The following GLUL variants were observed in gnomAD, a reference collection of about 807,000 sequenced individuals.
The protein encoded by GLUL is glutamine synthetase.
In GLUL, 8 loss-of-function variants were observed where a neutral mutation model predicts 36.9. That is an observed-to-expected ratio of 0.22 (90% CI 0.13 to 0.39). The LOEUF (loss-of-function observed/expected upper bound fraction) is 0.39. GLUL is among the 10% of genes least tolerant of loss of function. The probability of loss-of-function intolerance (pLI) is 1.00; values close to 1 mark genes in which losing one functional copy is unlikely to be tolerated. For missense variants in GLUL, 315 were observed against 501.8 expected (o/e 0.63, Z 3.56); for synonymous variants, 182 against 172.8 (o/e 1.05, Z -0.42).
At position 182,383,721 on chromosome 1, in the gene GLUL, T is replaced by G. The variant is rs896495719; in HGVS notation, c.*684A>C. The G allele has an allele frequency of 2.0e-5, 3 of 149,874 alleles. No homozygotes were observed. The highest frequency in any genetic ancestry group is 4.4e-5 in the Non-Finnish European group (3 of 68,178). 9.3% of individuals were successfully genotyped at this position (149,874 alleles called of 1,614,324 possible). ...ATAATCCACAAAACCATACATATAG[T>G]TTTTTGTCTTTACATTTAAATATAA... On this transcript the variant is annotated 3_prime_UTR_variant, in exon 7 of 7. Transcript: ENST00000331872.
intron 6 of GLUL, chr1:182,385,062 GATAT>G (rs1650114506): frequency 8.3e-6 from 2 of 241,314 alleles, no homozygotes; most frequent in South Asian, 7.3e-5. Flanking sequence ...TATATATATC[GATAT>G]ATATTTATAT....
At chr1:182,388,946 T>C in intron 1 of GLUL, 196 bp from the exon 2 acceptor site, 1 of 577,312 alleles carries the variant, frequency 1.7e-6, no homozygotes, top group South Asian at 1.8e-5. Flanking sequence ...AAAAATCTCC[T>C]TTATAATAGG....
At position 182,378,721 on chromosome 1, in the gene GLUL, G is replaced by C. The variant is rs1224388182; in HGVS notation, c.*5684C>G. ...ATATATGCATATTCTCACAAATATG[G>C]TATACATTTATATTATGCATGTGTA... is the stretch of plus-strand genomic sequence containing the variant. On this transcript the variant is annotated 3_prime_UTR_variant, in exon 7 of 7. Transcript: ENST00000331872. Among the ~76,000 whole-genome samples the C allele has an allele frequency of 6.6e-6, 1 of 152,064 alleles. No individual in the cohort carries two copies. Among genetic ancestry groups the C allele is most frequent in the Non-Finnish European group, 1.5e-5 (1 of 68,018 alleles).
rs1168633053 is a variant in GLUL, at chr1:182,390,384, A to G, written c.-14+1295T>C. The G allele has an allele frequency of 1.3e-5, 5 of 397,884 alleles. No homozygotes were observed. The East Asian group carries it at 1.8e-4, about 14-fold the overall frequency. 24.6% of individuals were successfully genotyped at this position (397,884 alleles called of 1,614,324 possible). On this transcript the variant is annotated intron_variant, in intron 1 of 6. Coordinates refer to ENST00000331872, the MANE Select transcript of GLUL (RefSeq NM_001033044.4). ...GCCAGCAGCCTAGTGCCACTCTATCAACTGCTGCTGCTGCGGTGCCAAGTT... is the reference window on the plus strand; with the variant it reads ...GCCAGCAGCCTAGTGCCACTCTATCGACTGCTGCTGCTGCGGTGCCAAGTT...
rs888666479 is a variant in GLUL, at chr1:182,382,109, C to T, written c.*2296G>A. On this transcript the variant is annotated 3_prime_UTR_variant, in exon 7 of 7. Coordinates refer to ENST00000331872, the MANE Select transcript of GLUL (RefSeq NM_001033044.4). ...GCTACCTCGCACTGGTAAGAGTATA[C>T]TGCCTTTTAAAAACAATCACTATTG... 2.0e-5 allele frequency: 3 copies of T among 152,220 alleles called. No homozygotes were observed. The highest frequency in any genetic ancestry group is 7.2e-5 in the African/African-American group (3 of 41,446). 9.4% of individuals were successfully genotyped at this position (152,220 alleles called of 1,614,324 possible).
rs1650158866 is a variant in GLUL, at chr1:182,385,905, C to T, written c.476-18G>A. On this transcript the variant is annotated intron_variant, in intron 4 of 6. Transcript: ENST00000331872. ...ATATGGACCTACAGAAGCATCAGGACAAAACACTAAGAGTCAAGAAATCCA... is the reference window on the plus strand; with the variant it reads ...ATATGGACCTACAGAAGCATCAGGATAAAACACTAAGAGTCAAGAAATCCA... 6.2e-7 allele frequency: 1 copy of T among 1,612,944 alleles called. No homozygotes were observed. The highest frequency in any genetic ancestry group is 1.7e-4 in the Middle Eastern group (1 of 6,060).
At chr1:182,391,032 C>T (rs988984120) in intron 1 of GLUL, 8 of 397,252 alleles carry the variant, frequency 2.0e-5, no homozygotes, top group Non-Finnish European at 3.5e-5. Context: ...GGGCGCAGGC[C>T]GTAGGGACTG....
intron 5 of GLUL, 41 bp from the exon 6 acceptor site, chr1:182,385,597 C>T: frequency 1.3e-6 from 2 of 1,570,002 alleles, no homozygotes; most frequent in Admixed American, 3.3e-5. Flanking sequence ...AAGCTAACTG[C>T]TCACTCCAAC....
chr1:182,382,993 A>T lies in GLUL; in HGVS notation c.*1412T>A, dbSNP rs1571402127. ...TTTGAACATACTGTACATGGCAATT[A>T]GAAGTTGTCATGGCAAAAGAAAACC... is the stretch of plus-strand genomic sequence containing the variant. On this transcript the variant is annotated 3_prime_UTR_variant, in exon 7 of 7. Coordinates refer to ENST00000331872, the MANE Select transcript of GLUL (RefSeq NM_001033044.4). 1 of 152,364 alleles carries T rather than the reference A, an allele frequency of 6.6e-6. No homozygotes were observed. The highest frequency in any genetic ancestry group is 1.9e-4 in the East Asian group (1 of 5,184). The allele number at this position is 152,364 out of a possible 1,614,324, so 9.4% of individuals were successfully genotyped here. A position where few individuals can be genotyped will look rare whatever the true frequency, so the allele number is the denominator to read the frequency against.
At position 182,378,122 on chromosome 1, in the gene GLUL, G is replaced by A. The variant is rs540870477; in HGVS notation, c.*6283C>T. Among the ~76,000 whole-genome samples the A allele has an allele frequency of 4.9e-4, 74 of 152,278 alleles. 1 individual carries two copies. Among genetic ancestry groups the A allele is most frequent in the African/African-American group, 1.7e-3 (72 of 41,522 alleles). On this transcript the variant is annotated 3_prime_UTR_variant, in exon 7 of 7. Coordinates refer to ENST00000331872, the MANE Select transcript of GLUL (RefSeq NM_001033044.4). ...AGTTATTCTAAACCTTTATTGAAAG[G>A]CAAATGCAGAAAGCCTTCAACACAG... is the stretch of plus-strand genomic sequence containing the variant.
Position 182,384,281 on chromosome 1 carries a change from G to A in GLUL, c.*124C>T. ...AGAAAGCAAGATTAACTGGGCACAT[G>A]GAATGAAAAAAACGACCTTGATATT... is the stretch of plus-strand genomic sequence containing the variant. On this transcript the variant is annotated 3_prime_UTR_variant, in exon 7 of 7. Transcript: ENST00000331872. 1 of 742,806 alleles carries A rather than the reference G, an allele frequency of 1.3e-6. No homozygotes were observed. Among genetic ancestry groups the A allele is most frequent in the Admixed American group, 2.0e-5 (1 of 49,736 alleles). 46.0% of individuals were successfully genotyped at this position (742,806 alleles called of 1,614,324 possible). A position where few individuals can be genotyped will look rare whatever the true frequency, so the allele number is the denominator to read the frequency against.
In GLUL at chr1:182,383,346, C is replaced by T. The variant is rs1374563073; in HGVS notation, c.*1059G>A. 6.6e-6 allele frequency: 1 copy of T among 152,168 alleles called. No individual in the cohort carries two copies. Among genetic ancestry groups the T allele is most frequent in the Non-Finnish European group, 1.5e-5 (1 of 68,046 alleles). The allele number at this position is 152,168 out of a possible 1,614,324, so 9.4% of individuals were successfully genotyped here. A position where few individuals can be genotyped will look rare whatever the true frequency, so the allele number is the denominator to read the frequency against. ...AGGCCTGCTTTAGTGACATGCTATT[C>T]CTACCAGAAAATAACCCCAATACCC... On this transcript the variant is annotated 3_prime_UTR_variant, in exon 7 of 7. Transcript: ENST00000331872.
chr1:182,381,429 C>T lies in GLUL; in HGVS notation c.*2976G>A, dbSNP rs1649923315. ...TCCTTTTGTAAATACTGGCCTGACT[C>T]CTTAAGGTTGAAAGCTTGGTCATTA... On this transcript the variant is annotated 3_prime_UTR_variant, in exon 7 of 7. Coordinates refer to ENST00000331872, the MANE Select transcript of GLUL (RefSeq NM_001033044.4). Among the ~76,000 whole-genome samples, 1 of 152,132 alleles carries T rather than the reference C, an allele frequency of 6.6e-6. No homozygotes were observed. Among genetic ancestry groups the T allele is most frequent in the South Asian group, 2.1e-4 (1 of 4,830 alleles).
In GLUL at chr1:182,379,078, G is replaced by T. The variant is rs548591171; in HGVS notation, c.*5327C>A. 1.3e-5 allele frequency among the ~76,000 whole-genome samples: 2 copies of T among 150,854 alleles called. No individual in the cohort carries two copies. Among genetic ancestry groups the T allele is most frequent in the Non-Finnish European group, 3.0e-5 (2 of 67,624 alleles). ...ATTACAGGCTTGAGCCACCATGCCC[G>T]GCCTGAAGTAGAATTTTTTTAAATG... On this transcript the variant is annotated 3_prime_UTR_variant, in exon 7 of 7. Transcript: ENST00000331872.
intron 1 of GLUL, chr1:182,391,345 A>C: frequency 2.5e-6 from 1 of 398,144 alleles, no homozygotes; most frequent in Non-Finnish European, 4.4e-6. Context: ...AACCACTGCG[A>C]GCCCCAGGGC....
rs372138459 is a variant in GLUL at position 182,384,458 on chromosome 1, G to A, written c.1069C>T (p.Arg357Cys). The part of the protein sequence containing the change: ...DPFSVTEALI[R>C]TCLLNETGDE... ...CCGGTTTCATTGAGAAGACACGTGC[G>A]GATGAGGGCTTCTGTCACCGAAAAG... The change falls in exon 7 of 7, where the codon CGC becomes TGC. Residue 357 changes from arginine (R) to cysteine (C), a missense_variant. By Grantham distance (180) the Arg-to-Cys change is radical. Transcript: ENST00000331872. 41 of 1,613,594 alleles carry A rather than the reference G, an allele frequency of 2.5e-5. No individual in the cohort carries two copies. The highest frequency in any genetic ancestry group is 5.0e-5 in the Admixed American group (3 of 59,978).
intron 1 of GLUL, chr1:182,391,447 T>C (rs1650413534): frequency 5.3e-6 from 2 of 380,016 alleles, no homozygotes; most frequent in African/African-American, 2.1e-5. Flanking sequence ...TCCCAGAGCC[T>C]GGCCAAGGGC....
intron 2 of GLUL, among the ~76,000 whole-genome samples, chr1:182,388,069 G>C (rs1442191274): frequency 2.6e-5 from 4 of 152,186 alleles, no homozygotes; most frequent in African/African-American, 9.7e-5. Flanking sequence ...AGCTCCTAGA[G>C]GGATACGCAA....
chr1:182,378,463 G>A lies in GLUL; in HGVS notation c.*5942C>T, dbSNP rs898281701. Among the ~76,000 whole-genome samples, 2 of 152,170 alleles carry A rather than the reference G, an allele frequency of 1.3e-5. No homozygotes were observed. Among genetic ancestry groups the A allele is most frequent in the African/African-American group, 4.8e-5 (2 of 41,444 alleles). On this transcript the variant is annotated 3_prime_UTR_variant, in exon 7 of 7. Coordinates refer to ENST00000331872, the MANE Select transcript of GLUL (RefSeq NM_001033044.4). ...TGTCCGACAACCTCCTGTCCATAAA[G>A]CATGGCAGAGTGGGTAATTAATTGG...
Sources: gnomAD v4.1 joint callset for allele counts (sites outside exome capture counted in the v4.1 genomes callset) on GRCh38, gnomAD v4.1.1 for gene constraint, MANE v1.5 for transcripts, NCBI Gene and HGNC (gene_info 2026-07-23, HGNC 2026-07-21) for gene names.